The following CARMIL1 variants were observed in gnomAD, a reference collection of about 807,000 sequenced individuals.
The protein encoded by CARMIL1 is F-actin-uncapping protein LRRC16A.
In CARMIL1, 90 loss-of-function variants were observed where a neutral mutation model predicts 177.1. That is an observed-to-expected ratio of 0.51 (90% CI 0.43 to 0.61). The LOEUF (loss-of-function observed/expected upper bound fraction) is 0.61, where lower values mean the gene tolerates loss of function less well. Ranked by LOEUF, CARMIL1 falls within the 20% of genes least tolerant of loss-of-function variation. CARMIL1 has a pLI of 0.00. For synonymous variants in CARMIL1, 577 were observed against 606.2 expected, an observed-to-expected ratio of 0.95 and a Z score of 0.71; for missense variants, 1,380 against 1,667.0, an observed-to-expected ratio of 0.83 and a Z score of 3.00.
In CARMIL1 at chr6:25,594,447, T is replaced by C. The variant is rs1044066225; in HGVS notation, c.3039T>C (p.Gly1013=). 1 of 1,613,292 alleles carries C rather than the reference T, an allele frequency of 6.2e-7. No individual in the cohort carries two copies. The highest frequency in any genetic ancestry group is 8.5e-7 in the Non-Finnish European group (1 of 1,179,576). ...VCAANIVSQD[G]EQNGLMGRVD... ...CTGCCAACATAGTCTCACAAGATGG[T>C]GAACAGAATGGTCTCATGGGGAGAG... The change falls in exon 32 of 37, where the codon GGT becomes GGC. Residue 1013 remains glycine (G), a synonymous_variant. Transcript: ENST00000329474.
chr6:25,592,275 A>G (rs556157938), intron 31 of CARMIL1, among the ~76,000 whole-genome samples: 2 of 152,350 alleles, frequency 1.3e-5, no homozygotes, highest in Non-Finnish European at 2.9e-5. Flanking sequence ...GGGTGACATA[A>G]TAACGTGTAA....
At chr6:25,537,581 T>C (rs1379045200) in intron 24 of CARMIL1, among the ~76,000 whole-genome samples, 1 of 152,206 alleles carries the variant, frequency 6.6e-6, no homozygotes, top group Admixed American at 6.5e-5. Flanking sequence ...TTGTTCTACG[T>C]GCTGCATTTC....
At chr6:25,612,731 C>A (rs1225440019) in intron 36 of CARMIL1, 1 of 983,852 alleles carries the variant, frequency 1.0e-6, no homozygotes, top group Non-Finnish European at 1.2e-6. Flanking sequence ...AATCCCTTTT[C>A]CTCAGTAGTG....
intron 20 of CARMIL1, among the ~76,000 whole-genome samples, chr6:25,512,742 T>C (rs1805578287): frequency 6.6e-6 from 1 of 152,182 alleles, no homozygotes; most frequent in South Asian, 2.1e-4. Context: ...CCTTCAACTA[T>C]AGACAGTGGT....
At chr6:25,296,554 C>G (rs983777780) in intron 2 of CARMIL1, among the ~76,000 whole-genome samples, 1 of 152,172 alleles carries the variant, frequency 6.6e-6, no homozygotes, top group East Asian at 1.9e-4. Context: ...CGCCCAGATG[C>G]GGGGAAGTGA....
At chr6:25,434,975 G>A (rs1474717040) in intron 4 of CARMIL1, among the ~76,000 whole-genome samples, 1 of 152,152 alleles carries the variant, frequency 6.6e-6, no homozygotes, top group Non-Finnish European at 1.5e-5. Context: ...GTAGCTTTTA[G>A]ATTGCCTATG....
intron 8 of CARMIL1, among the ~76,000 whole-genome samples, chr6:25,452,996 G>A (rs562410269): frequency 2.6e-4 from 39 of 151,928 alleles, no homozygotes; most frequent in Non-Finnish European, 4.9e-4. Flanking sequence ...CCTTTGACTG[G>A]GTCTTATCCA....
At chr6:25,507,004 T>C (rs1413485170) in intron 17 of CARMIL1, among the ~76,000 whole-genome samples, 1 of 152,188 alleles carries the variant, frequency 6.6e-6, no homozygotes, top group Non-Finnish European at 1.5e-5. Context: ...TACTACTCTC[T>C]TGAAAGAAAG....
At chr6:25,572,534 C>T (rs9358861) in intron 29 of CARMIL1, among the ~76,000 whole-genome samples, 1 of 151,778 alleles carries the variant, frequency 6.6e-6, no homozygotes, top group Non-Finnish European at 1.5e-5. Context: ...AACCCCGTCT[C>T]TACAAAAAAT....
chr6:25,435,212 A>C (rs1461387007), intron 4 of CARMIL1, among the ~76,000 whole-genome samples: 2 of 152,104 alleles, frequency 1.3e-5, no homozygotes, highest in Non-Finnish European at 2.9e-5. Context: ...CTCTACCCAA[A>C]CACTTCTTTG....
At chr6:25,354,306 G>A (rs559474684) in intron 2 of CARMIL1, among the ~76,000 whole-genome samples, 31 of 148,534 alleles carry the variant, frequency 2.1e-4, no homozygotes, top group South Asian at 2.1e-4. Flanking sequence ...CTATAGTTGC[G>A]TAGCACCACA....
chr6:25,432,428 T>C (rs56293509), intron 4 of CARMIL1, among the ~76,000 whole-genome samples: 13,127 of 152,236 alleles, frequency 0.086, 635 homozygotes, highest in South Asian at 0.1. Context: ...GTGATTGCTC[T>C]ATTGAGTTAG....
Position 25,540,016 on chromosome 6 carries a change from A to G in CARMIL1, c.2266A>G (p.Ile756Val), listed in dbSNP as rs1808732991. 5 of 1,609,522 alleles carry G rather than the reference A, an allele frequency of 3.1e-6. No homozygotes were observed. The highest frequency in any genetic ancestry group is 1.3e-5 in the African/African-American group (1 of 74,746). ...AGASGLLSSP[I>V]QETLESMAGE... ...AGCCAGTGGCTTACTATCCAGTCCA[A>G]TTCAGGAGACCCTGGAATCAATGGC... is the stretch of plus-strand genomic sequence containing the variant. The change falls in exon 26 of 37, where the codon ATT (isoleucine) becomes GTT (valine). Residue 756 changes from isoleucine (I) to valine (V), a missense_variant. Coordinates refer to ENST00000329474, the MANE Select transcript of CARMIL1 (RefSeq NM_017640.6).
At chr6:25,403,948 CA>C (rs918595168) in intron 2 of CARMIL1, among the ~76,000 whole-genome samples, 53 of 152,308 alleles carry the variant, frequency 3.5e-4, no homozygotes, top group African/African-American at 1.3e-3. Flanking sequence ...GTGCCTACCA[CA>C]AGGTAGGCAG....
chr6:25,301,249 C>T (rs903963431), intron 2 of CARMIL1, among the ~76,000 whole-genome samples: 2 of 152,064 alleles, frequency 1.3e-5, no homozygotes, highest in Non-Finnish European at 2.9e-5. Context: ...GAATAAAAGC[C>T]CTTAGTTAAG....
chr6:25,582,011 G>C lies in CARMIL1; in HGVS notation c.3006+572G>C, dbSNP rs112066979. Among the ~76,000 whole-genome samples, 5 of 152,276 alleles carry C rather than the reference G, an allele frequency of 3.3e-5. 1 individual carries two copies. The highest frequency in any genetic ancestry group is 1.2e-4 in the African/African-American group (5 of 41,578). On this transcript the variant is annotated intron_variant, in intron 31 of 36. Coordinates refer to ENST00000329474, the MANE Select transcript of CARMIL1 (RefSeq NM_017640.6). Reference sequence around the variant, plus strand: ...ATGAGCCTTAATGTAGTTTACCCATGTGTCTCTCTGGTTAATGCCTTTTCT... The same window carrying C: ...ATGAGCCTTAATGTAGTTTACCCATCTGTCTCTCTGGTTAATGCCTTTTCT...
chr6:25,309,413 G>T (rs1783581682), intron 2 of CARMIL1, among the ~76,000 whole-genome samples: 1 of 146,006 alleles, frequency 6.8e-6, no homozygotes, highest in African/African-American at 2.5e-5. Flanking sequence ...TGTTTAAAGT[G>T]TACAATTCAG....
intron 31 of CARMIL1, among the ~76,000 whole-genome samples, chr6:25,584,026 C>CTTTTTTTTTTTTTTTTTTTTTTCT (rs71544648): frequency 8.4e-6 from 1 of 119,140 alleles, no homozygotes; most frequent in South Asian, 2.9e-4. Context: ...TTTTCTTTTT[C>CTTTTTTTTTTTTTTTTTTTTTTCT]TTTTTTTTTT....
intron 2 of CARMIL1, among the ~76,000 whole-genome samples, chr6:25,308,694 CA>C: frequency 6.7e-6 from 1 of 148,714 alleles, no homozygotes; most frequent in African/African-American, 2.5e-5. Context: ...TTTTTTTTAA[CA>C]GTGAAACAGG....
Sources: allele counts gnomAD v4.1 joint callset (sites outside exome capture counted in the v4.1 genomes callset), GRCh38; gene constraint gnomAD v4.1.1; transcripts MANE v1.5; gene names NCBI Gene and HGNC (gene_info 2026-07-23, HGNC 2026-07-21).